The following DNM3 variants were observed in gnomAD, a reference collection of about 807,000 sequenced individuals.
The protein encoded by DNM3 is dynamin-3.
DNM3 carries 47 observed loss-of-function variants against 101.6 expected under a neutral mutation model. The ratio of observed to expected loss-of-function variants is 0.46; its 90% confidence interval spans 0.37 to 0.59. The LOEUF is 0.59. Ranked by LOEUF, DNM3 falls within the 20% of genes least tolerant of loss-of-function variation. DNM3 has a pLI of 0.00. For missense variants in DNM3, 849 were observed against 1,085.7 expected (o/e 0.78, Z 3.06); for synonymous variants, 385 against 387.9 (o/e 0.99, Z 0.09).
intron 15 of DNM3, among the ~76,000 whole-genome samples, chr1:172,279,062 T>C (rs2063391386): frequency 6.6e-6 from 1 of 152,112 alleles, no homozygotes; most frequent in Admixed American, 6.6e-5. Flanking sequence ...AATGATTGAG[T>C]GTGTGTGTTG....
chr1:172,062,770 A>G (rs754884365), intron 10 of DNM3, among the ~76,000 whole-genome samples: 5 of 152,132 alleles, frequency 3.3e-5, no homozygotes, highest in Non-Finnish European at 5.9e-5. Context: ...AACAGTCACT[A>G]TTTCTTGATC....
intron 17 of DNM3, among the ~76,000 whole-genome samples, chr1:172,377,553 C>CATATATATATATATATAT (rs34612864): frequency 0.024 from 2,921 of 122,824 alleles, 97 homozygotes; most frequent in South Asian, 0.048. Context: ...TGATATATAT[C>CATATATATATATATATAT]ATATATATAT....
At chr1:172,295,937 A>C (rs560638010) in intron 15 of DNM3, among the ~76,000 whole-genome samples, 1 of 152,374 alleles carries the variant, frequency 6.6e-6, no homozygotes, top group Admixed American at 6.5e-5. Flanking sequence ...TTGAAATACT[A>C]TACAAAAATA....
At chr1:171,884,716 C>T (rs989347419) in intron 1 of DNM3, among the ~76,000 whole-genome samples, 5 of 152,150 alleles carry the variant, frequency 3.3e-5, no homozygotes, top group East Asian at 1.9e-4. Flanking sequence ...CATCCTTCAA[C>T]GGGCTAGTTC....
intron 13 of DNM3, among the ~76,000 whole-genome samples, chr1:172,128,929 T>C (rs1469230569): frequency 6.6e-6 from 1 of 152,242 alleles, no homozygotes; most frequent in Non-Finnish European, 1.5e-5. Flanking sequence ...TAACCTAGTT[T>C]CTCTGTTCCA....
At chr1:172,321,458 G>A (rs1376452243) in intron 16 of DNM3, among the ~76,000 whole-genome samples, 1 of 152,268 alleles carries the variant, frequency 6.6e-6, no homozygotes, top group East Asian at 1.9e-4. Context: ...ATAAATTGCT[G>A]CCACACAGAG....
At chr1:172,280,485 CAT>C (rs1371153593) in intron 15 of DNM3, among the ~76,000 whole-genome samples, 1 of 152,144 alleles carries the variant, frequency 6.6e-6, no homozygotes, top group Non-Finnish European at 1.5e-5. Context: ...TGAGTGAATA[CAT>C]GTTAGTCTTG....
intron 1 of DNM3, chr1:171,864,502 T>C (rs1460736288): frequency 6.6e-6 from 1 of 152,264 alleles, no homozygotes; most frequent in African/African-American, 2.4e-5. Flanking sequence ...CTTGCCAGCC[T>C]AGAGGACAAA....
At chr1:171,967,180 A>AT (rs1373772834) in intron 2 of DNM3, among the ~76,000 whole-genome samples, 1 of 152,098 alleles carries the variant, frequency 6.6e-6, no homozygotes, top group Admixed American at 6.6e-5. Context: ...GTTCTGAGTC[A>AT]TTTTTTATGT....
intron 14 of DNM3, among the ~76,000 whole-genome samples, chr1:172,145,172 T>C (rs1205186992): frequency 6.6e-6 from 1 of 152,110 alleles, no homozygotes; most frequent in Non-Finnish European, 1.5e-5. Flanking sequence ...AATTTGAAGA[T>C]AGAGGGTAGA....
intron 16 of DNM3, among the ~76,000 whole-genome samples, chr1:172,314,265 G>A (rs528521533): frequency 6.6e-6 from 1 of 152,304 alleles, no homozygotes; most frequent in Admixed American, 6.5e-5. Context: ...AGCCAAGATG[G>A]CCGAATAGGA....
intron 15 of DNM3, among the ~76,000 whole-genome samples, chr1:172,304,892 G>A (rs1406501392): frequency 1.3e-5 from 2 of 152,130 alleles, no homozygotes; most frequent in African/African-American, 2.4e-5. Context: ...AGTGTGTAGA[G>A]GGAAATTTAT....
intron 13 of DNM3, among the ~76,000 whole-genome samples, chr1:172,113,800 A>G (rs1246835221): frequency 6.6e-6 from 1 of 152,116 alleles, no homozygotes; most frequent in Non-Finnish European, 1.5e-5. Context: ...TGTGTTGTCA[A>G]TCACATTTTA....
chr1:172,326,935 T>TTAA (rs1177042801), intron 17 of DNM3, among the ~76,000 whole-genome samples: 2 of 152,130 alleles, frequency 1.3e-5, no homozygotes. Context: ...TCACTTAACT[T>TTAA]CAGTATTGTT....
intron 1 of DNM3, among the ~76,000 whole-genome samples, chr1:171,851,124 C>G (rs2032903340): frequency 6.6e-6 from 1 of 152,140 alleles, no homozygotes; most frequent in Non-Finnish European, 1.5e-5. Flanking sequence ...CTTCTCAGCT[C>G]TATCTGTCTG....
intron 14 of DNM3, among the ~76,000 whole-genome samples, chr1:172,150,398 A>G (rs1441085852): frequency 1.3e-5 from 2 of 152,202 alleles, no homozygotes; most frequent in Admixed American, 1.3e-4. Context: ...CATTTGCCAC[A>G]CAGAATCAGA....
At chr1:171,987,311 A>G (rs1304225316) in intron 2 of DNM3, 16 of 985,240 alleles carry the variant, frequency 1.6e-5, no homozygotes, top group Non-Finnish European at 1.9e-5. Flanking sequence ...ACTCAGAGGT[A>G]TCCCAGATCT....
chr1:172,316,273 A>G (rs371005331), intron 16 of DNM3, among the ~76,000 whole-genome samples: 7 of 152,216 alleles, frequency 4.6e-5, no homozygotes, highest in African/African-American at 1.2e-4. Context: ...GGTACCAGCC[A>G]CTGCAAAATC....
chr1:172,084,286 T>A (rs1201957739), intron 12 of DNM3, among the ~76,000 whole-genome samples: 1 of 151,998 alleles, frequency 6.6e-6, no homozygotes, highest in Admixed American at 6.6e-5. Flanking sequence ...ATGTGAGAGA[T>A]CCTCCCTGTC....
Sources: allele counts gnomAD v4.1 joint callset (sites outside exome capture counted in the v4.1 genomes callset), GRCh38; gene constraint gnomAD v4.1.1; transcripts MANE v1.5; gene names NCBI Gene and HGNC (gene_info 2026-07-23, HGNC 2026-07-21).